Variants in SQSTM1 observed in about 807,000 individuals in gnomAD.
SQSTM1 encodes the protein sequestosome 1.
Under a neutral mutation model 45.1 loss-of-function variants are expected in SQSTM1, and 36 were observed. The ratio of observed to expected loss-of-function variants is 0.80; its 90% CI spans 0.61 to 1.05. The LOEUF is 1.05. Ranked by LOEUF, SQSTM1 falls within the 50% of genes least tolerant of loss-of-function variation. The probability of loss-of-function intolerance (pLI) is 0.00; values close to 1 mark genes in which losing one functional copy is unlikely to be tolerated. For missense variants in SQSTM1, 617 were observed against 607.1 expected, an observed-to-expected ratio of 1.02 and a Z score of -0.17; for synonymous variants, 290 against 244.3, an observed-to-expected ratio of 1.19 and a Z score of -1.74.
chr5:179,834,457 G>A (rs369954349), intron 7 of SQSTM1, among the ~76,000 whole-genome samples: 200 of 151,548 alleles, frequency 1.3e-3, no homozygotes, highest in African/African-American at 4.1e-3. Context: ...GGTGTTTCTC[G>A]CAGAGGGGGA....
At chr5:179,814,352 A>G (rs1757518281), upstream of SQSTM1, among the ~76,000 whole-genome samples, 1 of 152,180 alleles carries the variant, frequency 6.6e-6, no homozygotes, top group South Asian at 2.1e-4. Context: ...TACATCACTG[A>G]GGTCAAGATG....
chr5:179,825,412 T>C (rs1757950653), intron 5 of SQSTM1, among the ~76,000 whole-genome samples, 186 bp downstream of exon 5: 1 of 152,192 alleles, frequency 6.6e-6, no homozygotes, highest in Non-Finnish European at 1.5e-5. Flanking sequence ...CTGACAAAAT[T>C]CTCGAGCTTT....
At chr5:179,833,452 T>A in intron 6 of SQSTM1, 135 bp from the exon 7 acceptor site, 1 of 1,049,438 alleles carries the variant, frequency 9.5e-7, no homozygotes, top group Non-Finnish European at 1.4e-6. Flanking sequence ...GTGGCCACTG[T>A]TCCCCCTAGA....
chr5:179,824,133 G>A, intron 3 of SQSTM1, 46 bp downstream of exon 3: 2 of 1,613,572 alleles, frequency 1.2e-6, no homozygotes, highest in South Asian at 1.1e-5. Flanking sequence ...CAGGGTGGCA[G>A]GAACCTTGAC....
At chr5:179,823,800 C>CT in intron 2 of SQSTM1, 58 bp from the exon 3 acceptor site, 1 of 1,574,328 alleles carries the variant, frequency 6.4e-7, no homozygotes, top group Non-Finnish European at 8.7e-7. Flanking sequence ...ACAGTGACGA[C>CT]AGAGGGGGAG....
chr5:179,809,729 C>T (rs1462129822), intron 1 of SQSTM1, among the ~76,000 whole-genome samples: 2 of 149,970 alleles, frequency 1.3e-5, no homozygotes, highest in Non-Finnish European at 3.0e-5. Context: ...CTGCAACCTC[C>T]GCTTCCCGGG....
In SQSTM1 at chr5:179,833,771, A is replaced by G. The variant is rs2113513106; in HGVS notation, c.1154A>G (p.His385Arg). ...CTGAAGGAAGCTGCCTTGTACCCAC[A>G]TCTCCCGCCAGGCAAGTGAACCAAG... ...TGLKEAALYPHLPPEADPRLI... is the reference protein window; with the variant it reads ...TGLKEAALYPRLPPEADPRLI... Residue 385 changes from histidine to arginine, a missense_variant, in exon 7 of 8, where the codon CAT becomes CGT. Physicochemically the swap from His to Arg is conservative, Grantham distance 29. Transcript: ENST00000389805. The G allele has an allele frequency of 6.2e-7, 1 of 1,613,938 alleles. No homozygotes were observed. Among genetic ancestry groups the G allele is most frequent in the African/African-American group, 1.3e-5 (1 of 74,954 alleles).
chr5:179,826,967 T>A (rs1317067787), intron 5 of SQSTM1, among the ~76,000 whole-genome samples: 1 of 152,166 alleles, frequency 6.6e-6, no homozygotes, highest in Non-Finnish European at 1.5e-5. Flanking sequence ...GCCTAAATCC[T>A]GCCACTCACT....
intron 5 of SQSTM1, 119 bp from the exon 6 acceptor site, chr5:179,832,913 C>A: frequency 1.9e-6 from 2 of 1,035,640 alleles, no homozygotes; most frequent in Non-Finnish European, 3.0e-6. Flanking sequence ...CACTTAGCTG[C>A]TTGTGGGGAC....
chr5:179,830,617 G>C (rs1019652154), intron 5 of SQSTM1, among the ~76,000 whole-genome samples: 2 of 151,384 alleles, frequency 1.3e-5, no homozygotes, highest in Non-Finnish European at 2.9e-5. Context: ...GGAGTGCAGC[G>C]GCGTGATCTC....
intron 1 of SQSTM1, among the ~76,000 whole-genome samples, 155 bp downstream of exon 1, chr5:179,821,296 C>T (rs1015002548): frequency 6.6e-6 from 1 of 152,204 alleles, no homozygotes; most frequent in African/African-American, 2.4e-5. Flanking sequence ...GCATGGGTCC[C>T]CAGTTCGGCC....
chr5:179,834,118 TCA>T (rs1470237805), intron 7 of SQSTM1, among the ~76,000 whole-genome samples: 3 of 138,560 alleles, frequency 2.2e-5, no homozygotes, highest in Non-Finnish European at 4.6e-5. Flanking sequence ...TCCCTACTAC[TCA>T]CACTCAAGTG....
rs561116387 is a variant in SQSTM1, at chr5:179,838,010, G to A, written c.*1417G>A. On this transcript the variant is annotated 3_prime_UTR_variant, in exon 8 of 8. Transcript: ENST00000389805. Reference sequence around the variant, plus strand: ...GACACTTTCTGCTGGAAGCTGTCAGGCTGGGACAGGCTTTGATTTTGAGGG... The same window carrying A: ...GACACTTTCTGCTGGAAGCTGTCAGACTGGGACAGGCTTTGATTTTGAGGG... 3 of 860,192 alleles carry A rather than the reference G, an allele frequency of 3.5e-6. No homozygotes were observed. In the East Asian group the frequency reaches 7.8e-5, roughly 22 times the overall value. The allele number at this position is 860,192 out of a possible 1,614,324, so 53.3% of individuals were successfully genotyped here.
chr5:179,825,490 A>T (rs1757953505), intron 5 of SQSTM1, among the ~76,000 whole-genome samples: 1 of 152,150 alleles, frequency 6.6e-6, no homozygotes, highest in Admixed American at 6.6e-5. Context: ...GGGTGACCAG[A>T]CTGTGGTTGC....
intron 7 of SQSTM1, chr5:179,835,579 G>C (rs564293586): frequency 6.4e-6 from 1 of 156,120 alleles, no homozygotes; most frequent in African/African-American, 2.4e-5. Context: ...GCAGGCACTC[G>C]GCAGGCTGAG....
chr5:179,811,125 C>T (rs181862460), intron 1 of SQSTM1, among the ~76,000 whole-genome samples: 3 of 151,736 alleles, frequency 2.0e-5, no homozygotes, highest in Non-Finnish European at 4.4e-5. Context: ...CCCAGCTACT[C>T]GGGAGGCTGA....
At position 179,837,139 on chromosome 5, in the gene SQSTM1, A is replaced by ACCACTGTAGTTCTCTCATTT; in HGVS notation, c.*550_*569dup. ...CTGAGAGCTGCCTCCTGGTCTCTTC[A>ACCACTGTAGTTCTCTCATTT]CCACTGTAGTTCTCTCATTTCCAAA... On this transcript the variant is annotated 3_prime_UTR_variant, in exon 8 of 8. Coordinates refer to ENST00000389805, the MANE Select transcript of SQSTM1 (RefSeq NM_003900.5). The ACCACTGTAGTTCTCTCATTT allele has an allele frequency of 7.7e-7, 1 of 1,303,650 alleles. No homozygotes were observed. The highest frequency in any genetic ancestry group is 1.1e-6 in the Non-Finnish European group (1 of 934,574). 80.8% of individuals were successfully genotyped at this position (1,303,650 alleles called of 1,614,324 possible). A position where few individuals can be genotyped will look rare whatever the true frequency, so the allele number is the denominator to read the frequency against.
chr5:179,831,145 A>G (rs1354074638), intron 5 of SQSTM1, among the ~76,000 whole-genome samples: 1 of 152,248 alleles, frequency 6.6e-6, no homozygotes. Flanking sequence ...AGGTATTAGG[A>G]AACGGGGGAC....
At chr5:179,812,192 C>A (rs1757447408) in intron 2 of SQSTM1, 1 of 152,268 alleles carries the variant, frequency 6.6e-6, no homozygotes, top group Non-Finnish European at 1.5e-5. Context: ...ACCGCACAGA[C>A]CTCAAGGCTG....
Sources: gnomAD v4.1 joint callset for allele counts (sites outside exome capture counted in the v4.1 genomes callset) on GRCh38, gnomAD v4.1.1 for gene constraint, MANE v1.5 for transcripts, NCBI Gene and HGNC (gene_info 2026-07-23, HGNC 2026-07-21) for gene names.